TBC1D22A: variants seen among roughly 807,000 people sequenced by gnomAD.
TBC1D22A encodes the protein TBC1 domain family member 22A, also known as putative GTPase activator.
A neutral mutation model predicts 60.2 loss-of-function variants in TBC1D22A; 38 were observed. The observed-to-expected ratio is 0.63, with a 90% CI of 0.49 to 0.83. TBC1D22A has a LOEUF of 0.83. Ranked by LOEUF, TBC1D22A falls within the 40% of genes least tolerant of loss-of-function variation. The pLI is 0.00. For missense variants in TBC1D22A, 628 were observed against 701.0 expected (o/e 0.90, Z 1.18); for synonymous variants, 302 against 281.7 (o/e 1.07, Z -0.72).
intron 11 of TBC1D22A, among the ~76,000 whole-genome samples, chr22:47,103,734 A>G (rs1054379689): frequency 6.6e-6 from 1 of 152,182 alleles, no homozygotes; most frequent in Non-Finnish European, 1.5e-5. Context: ...TAATGGCTGT[A>G]TATGTTTTAA....
intron 4 of TBC1D22A, among the ~76,000 whole-genome samples, chr22:46,808,535 T>C (rs2085247242): frequency 6.6e-6 from 1 of 152,138 alleles, no homozygotes; most frequent in African/African-American, 2.4e-5. Context: ...ATATCACCTT[T>C]ATCCTGATGT....
intron 10 of TBC1D22A, among the ~76,000 whole-genome samples, chr22:47,025,661 G>A (rs1473394272): frequency 6.6e-6 from 1 of 152,226 alleles, no homozygotes; most frequent in Non-Finnish European, 1.5e-5. Context: ...GTACTTAGAG[G>A]TCAACGTATA....
intron 9 of TBC1D22A, among the ~76,000 whole-genome samples, chr22:46,976,251 G>T (rs2074289358): frequency 6.6e-6 from 1 of 152,192 alleles, no homozygotes; most frequent in Non-Finnish European, 1.5e-5. Context: ...CTGATGCAAT[G>T]GTTTATTGGC....
intron 8 of TBC1D22A, among the ~76,000 whole-genome samples, chr22:46,937,017 G>A (rs1447427848): frequency 1.3e-5 from 2 of 152,164 alleles, no homozygotes; most frequent in African/African-American, 2.4e-5. Context: ...GTGACAGATA[G>A]GGTTCTTCTG....
intron 4 of TBC1D22A, among the ~76,000 whole-genome samples, chr22:46,822,131 G>T (rs924911496): frequency 2.6e-4 from 40 of 151,956 alleles, no homozygotes; most frequent in African/African-American, 7.2e-4. Flanking sequence ...CTAGTTAGCA[G>T]TTCCTCTCAC....
intron 8 of TBC1D22A, among the ~76,000 whole-genome samples, chr22:46,943,627 C>T (rs2072320252): frequency 6.6e-6 from 1 of 152,206 alleles, no homozygotes; most frequent in Admixed American, 6.5e-5. Flanking sequence ...TTAGTGTCTT[C>T]ACAGAATTGT....
intron 12 of TBC1D22A, among the ~76,000 whole-genome samples, chr22:47,163,577 CCAT>C (rs1739255705): frequency 6.6e-6 from 1 of 152,134 alleles, no homozygotes; most frequent in Non-Finnish European, 1.5e-5. Flanking sequence ...AAAGGGACAG[CCAT>C]GGTTGCTGTG....
rs759724841 is a variant in TBC1D22A at position 47,109,773 on chromosome 22, C to T, written c.1330-1735C>T. On this transcript the variant is annotated intron_variant, in intron 11 of 12. Transcript: ENST00000337137. The stretch of plus-strand genomic sequence containing the variant: ...TCTCTCCTACCCCAGATCTGTCATA[C>T]GCGTTGGTGTGTTTTTTCTGCACAA... 1.3e-5 allele frequency among the ~76,000 whole-genome samples: 2 copies of T among 152,166 alleles called. 1 individual carries two copies. The highest frequency in any genetic ancestry group is 4.2e-4 in the South Asian group (2 of 4,808).
intron 8 of TBC1D22A, among the ~76,000 whole-genome samples, chr22:46,953,296 C>G (rs1418535826): frequency 3.3e-5 from 5 of 152,030 alleles, no homozygotes; most frequent in African/African-American, 1.2e-4. Flanking sequence ...TTCTGTTGGC[C>G]CCTGGGTTCC....
intron 11 of TBC1D22A, among the ~76,000 whole-genome samples, chr22:47,056,996 G>A (rs2063414723): frequency 6.6e-6 from 1 of 152,188 alleles, no homozygotes; most frequent in African/African-American, 2.4e-5. Flanking sequence ...CTGCCTTGCT[G>A]CCTAGGCCCA....
At chr22:47,086,052 ATG>A (rs2064669362) in intron 11 of TBC1D22A, among the ~76,000 whole-genome samples, 1 of 152,220 alleles carries the variant, frequency 6.6e-6, no homozygotes, top group Admixed American at 6.5e-5. Context: ...ATTTAGTAGA[ATG>A]TGTGAAATGT....
At chr22:47,079,590 G>A (rs1193013971) in intron 11 of TBC1D22A, among the ~76,000 whole-genome samples, 2 of 152,148 alleles carry the variant, frequency 1.3e-5, no homozygotes, top group African/African-American at 4.8e-5. Flanking sequence ...GATGAGGTAA[G>A]GATGTATTCT....
At chr22:46,917,752 G>A (rs774942600) in intron 8 of TBC1D22A, among the ~76,000 whole-genome samples, 14 of 152,138 alleles carry the variant, frequency 9.2e-5, no homozygotes, top group Middle Eastern at 3.2e-3. Flanking sequence ...TGGGGAGAGT[G>A]GAGTGCAGCG....
intron 10 of TBC1D22A, among the ~76,000 whole-genome samples, chr22:47,005,259 AC>A (rs1295441756): frequency 6.7e-6 from 1 of 149,766 alleles, no homozygotes; most frequent in Non-Finnish European, 1.5e-5. Context: ...CTATACACAC[AC>A]CCCCTACACA....
chr22:47,069,446 C>G (rs554960405), intron 11 of TBC1D22A, among the ~76,000 whole-genome samples: 1 of 152,338 alleles, frequency 6.6e-6, no homozygotes, highest in South Asian at 2.1e-4. Flanking sequence ...TGTGTCCTCT[C>G]GGTGAGGCCT....
chr22:46,893,367 G>A (rs1289045358), intron 6 of TBC1D22A, among the ~76,000 whole-genome samples: 1 of 152,166 alleles, frequency 6.6e-6, no homozygotes, highest in Non-Finnish European at 1.5e-5. Context: ...ATGGAGGGGT[G>A]CACAGAGCCC....
intron 8 of TBC1D22A, among the ~76,000 whole-genome samples, chr22:46,941,236 CAG>C: frequency 1.4e-5 from 2 of 144,340 alleles, no homozygotes; most frequent in African/African-American, 5.2e-5. Flanking sequence ...CACACACACA[CAG>C]TCCACCCTTG....
intron 12 of TBC1D22A, among the ~76,000 whole-genome samples, chr22:47,124,227 A>G (rs1338985247): frequency 6.6e-6 from 1 of 152,168 alleles, no homozygotes; most frequent in East Asian, 1.9e-4. Context: ...CAAGAACTGC[A>G]GGGTAAATGC....
intron 11 of TBC1D22A, among the ~76,000 whole-genome samples, chr22:47,044,543 C>T (rs781688428): frequency 6.6e-6 from 1 of 152,214 alleles, no homozygotes; most frequent in Non-Finnish European, 1.5e-5. Context: ...AACTGATGAT[C>T]GGGTTAACCT....
Sources: allele counts gnomAD v4.1 joint callset (sites outside exome capture counted in the v4.1 genomes callset), GRCh38; gene constraint gnomAD v4.1.1; transcripts MANE v1.5; gene names NCBI Gene and HGNC (gene_info 2026-07-23, HGNC 2026-07-21).